Variants in CYP11A1 observed in about 807,000 individuals in gnomAD.
The protein encoded by CYP11A1 is cholesterol side-chain cleavage enzyme, mitochondrial.
A neutral mutation model predicts 51.9 loss-of-function variants in CYP11A1; 25 were observed. The observed-to-expected ratio is 0.48, with a 90% CI of 0.35 to 0.67. CYP11A1 has a LOEUF of 0.67. CYP11A1 is among the 30% of genes least tolerant of loss of function. CYP11A1 has a pLI of 0.00. For synonymous variants in CYP11A1, 245 were observed against 262.1 expected, an observed-to-expected ratio of 0.93 and a Z score of 0.63; for missense variants, 578 against 680.9, an observed-to-expected ratio of 0.85 and a Z score of 1.68.
chr15:74,346,557 A>G (rs994232576), intron 2 of CYP11A1, among the ~76,000 whole-genome samples: 1 of 151,994 alleles, frequency 6.6e-6, no homozygotes, highest in African/African-American at 2.4e-5. Flanking sequence ...TTTTAATATC[A>G]TGAACGGTAC....
chr15:74,358,002 C>T (rs1467754879), intron 1 of CYP11A1, among the ~76,000 whole-genome samples: 2 of 152,258 alleles, frequency 1.3e-5, no homozygotes, highest in Non-Finnish European at 2.9e-5. Flanking sequence ...AATATTTATA[C>T]TGACTCTAAA....
At chr15:74,365,709 A>C in intron 1 of CYP11A1, 1 of 985,484 alleles carries the variant, frequency 1.0e-6, no homozygotes, top group South Asian at 4.7e-5. Flanking sequence ...GGCCGCGCGG[A>C]CGTCACCTTA....
At chr15:74,348,901 T>C (rs2060643641) in intron 1 of CYP11A1, among the ~76,000 whole-genome samples, 1 of 152,118 alleles carries the variant, frequency 6.6e-6, no homozygotes, top group Non-Finnish European at 1.5e-5. Flanking sequence ...AATTTTTGTG[T>C]TTTTTGTAGA....
intron 1 of CYP11A1, among the ~76,000 whole-genome samples, chr15:74,355,183 C>A (rs1313584167): frequency 1.3e-5 from 2 of 152,020 alleles, no homozygotes; most frequent in African/African-American, 2.4e-5. Flanking sequence ...CCTCTTCTCC[C>A]TTAGCCTGTG....
At chr15:74,342,849 G>T in intron 5 of CYP11A1, 128 bp downstream of exon 5, 1 of 965,810 alleles carries the variant, frequency 1.0e-6, no homozygotes, top group Non-Finnish European at 1.6e-6. Context: ...ATGGAGGCAA[G>T]GAGGAAGACA....
Position 74,343,945 on chromosome 15 carries a change from C to T in CYP11A1, c.673G>A (p.Val225Ile), listed in dbSNP as rs747462416. The change falls in exon 4 of 9, where the codon GTA becomes ATA. Residue 225 changes from valine to isoleucine, a missense_variant. Physicochemically the swap from Val to Ile is conservative, Grantham distance 29. Coordinates refer to ENST00000268053, the MANE Select transcript of CYP11A1 (RefSeq NM_000781.3). ...FGERQGMLEE[V>I]VNPEAQRFID... ...AATCGCTGGGCCTCGGGGTTCACTA[C>T]TTCCTCCAGCATCCCCTGGCGCTCC... is the stretch of plus-strand genomic sequence containing the variant. 62 of 1,614,046 alleles carry T rather than the reference C, an allele frequency of 3.8e-5. No individual in the cohort carries two copies. In the Middle Eastern group the frequency reaches 6.6e-4, roughly 17 times the overall value.
intron 1 of CYP11A1, chr15:74,362,167 C>A (rs2060711815): frequency 3.1e-6 from 2 of 638,738 alleles, no homozygotes; most frequent in East Asian, 5.3e-5. Flanking sequence ...AGTTCCCTTC[C>A]ATGCCTAGCT....
intron 1 of CYP11A1, chr15:74,361,980 G>A (rs1471428931): frequency 4.7e-5 from 63 of 1,346,240 alleles, no homozygotes; most frequent in African/African-American, 1.7e-4. Flanking sequence ...GCCACGGAGC[G>A]CTTTGGGTCC....
At chr15:74,358,737 G>C (rs990537480) in intron 1 of CYP11A1, among the ~76,000 whole-genome samples, 2 of 152,204 alleles carry the variant, frequency 1.3e-5, no homozygotes, top group African/African-American at 4.8e-5. Flanking sequence ...CCTTCTGTCA[G>C]ACATAATTCC....
chr15:74,350,455 T>G lies in CYP11A1; in HGVS notation c.270-2400A>C, dbSNP rs376818343. On this transcript the variant is annotated intron_variant, in intron 1 of 8. Transcript: ENST00000268053. Reference sequence around the variant, plus strand: ...TTGTGTGACATTGACAAGACCCTTCTTCTCACTGGGCCTCAGTTTCCCCAT... The same window carrying G: ...TTGTGTGACATTGACAAGACCCTTCGTCTCACTGGGCCTCAGTTTCCCCAT... Among the ~76,000 whole-genome samples, 227 of 152,318 alleles carry G rather than the reference T, an allele frequency of 1.5e-3. 2 individuals carry two copies. In the South Asian group the frequency reaches 0.018, roughly 12 times the overall value.
chr15:74,367,236 G>A (rs1241899863), intron 1 of CYP11A1, 81 bp downstream of exon 1: 8 of 1,512,222 alleles, frequency 5.3e-6, no homozygotes, highest in Non-Finnish European at 7.3e-6. Context: ...ACAGCCTGTT[G>A]GGGGAGTGGG....
chr15:74,352,142 G>A (rs184610249), intron 1 of CYP11A1, among the ~76,000 whole-genome samples: 7 of 151,960 alleles, frequency 4.6e-5, no homozygotes, highest in African/African-American at 7.3e-5. Context: ...TCAAGTTCAC[G>A]TGACTTAAAG....
At chr15:74,338,898 G>A in intron 7 of CYP11A1, 130 bp from the exon 8 acceptor site, 6 of 860,534 alleles carry the variant, frequency 7.0e-6, no homozygotes, top group South Asian at 2.9e-5. Context: ...CAGCTCTCCA[G>A]GGCAGGACAT....
intron 2 of CYP11A1, among the ~76,000 whole-genome samples, chr15:74,346,542 C>G (rs575343148): frequency 6.6e-6 from 1 of 152,020 alleles, no homozygotes; most frequent in South Asian, 2.1e-4. Flanking sequence ...CAGTAGCTTT[C>G]TGGTTTTTAA....
chr15:74,356,757 AC>A (rs1247610454), intron 1 of CYP11A1, among the ~76,000 whole-genome samples: 21 of 151,768 alleles, frequency 1.4e-4, no homozygotes, highest in Admixed American at 1.4e-3. Context: ...CCTTATTGCC[AC>A]CCTTTTCCCC....
intron 1 of CYP11A1, among the ~76,000 whole-genome samples, chr15:74,353,247 A>G (rs1359718016): frequency 6.6e-6 from 1 of 152,242 alleles, no homozygotes; most frequent in Non-Finnish European, 1.5e-5. Flanking sequence ...ACCATTAAGT[A>G]GGGGAGAAAG....
intron 4 of CYP11A1, among the ~76,000 whole-genome samples, 158 bp from the exon 5 acceptor site, chr15:74,343,295 C>T (rs904714223): frequency 6.6e-6 from 1 of 152,164 alleles, no homozygotes; most frequent in Admixed American, 6.5e-5. Context: ...GTACTAAGCC[C>T]TTCATATCTG....
chr15:74,354,237 A>C (rs1237331843), intron 1 of CYP11A1, among the ~76,000 whole-genome samples: 3 of 152,188 alleles, frequency 2.0e-5, no homozygotes, highest in Non-Finnish European at 4.4e-5. Flanking sequence ...AATCACAAAG[A>C]AGTGAAAATG....
Position 74,339,302 on chromosome 15 carries a change from A to G in CYP11A1, c.1171T>C (p.Ser391Pro), listed in dbSNP as rs1208632679. 1.2e-6 allele frequency: 2 copies of G among 1,614,082 alleles called. No homozygotes were observed. The highest frequency in any genetic ancestry group is 2.7e-5 in the African/African-American group (2 of 74,940). ...IKETLRLHPI[S>P]VTLQRYLVND... ...ACAAGATATCTCTGCAGGGTCACGG[A>G]GATGGGGTGAAGTCTGCGGGAGGAG... Residue 391 changes from serine to proline, a missense_variant, in exon 7 of 9, where the codon TCC becomes CCC. Ser to Pro is a moderately conservative substitution (Grantham distance 74, BLOSUM62 -1). Coordinates refer to ENST00000268053, the MANE Select transcript of CYP11A1 (RefSeq NM_000781.3).
Sources: gnomAD v4.1 joint callset for allele counts (sites outside exome capture counted in the v4.1 genomes callset) on GRCh38, gnomAD v4.1.1 for gene constraint, MANE v1.5 for transcripts, NCBI Gene and HGNC (gene_info 2026-07-23, HGNC 2026-07-21) for gene names.